Variants in CGGBP1 observed in about 807,000 individuals in gnomAD.
The protein encoded by CGGBP1 is CGG triplet repeat-binding protein 1.
Under a neutral mutation model 11.4 loss-of-function variants are expected in CGGBP1, and 4 were observed. The observed-to-expected ratio is 0.35, with a 90% CI of 0.17 to 0.80. The LOEUF is 0.80. CGGBP1 is among the 30% of genes least tolerant of loss of function. CGGBP1 has a pLI of 0.52. For synonymous variants in CGGBP1, 76 were observed against 74.1 expected, an observed-to-expected ratio of 1.03 and a Z score of -0.13; for missense variants, 135 against 202.1, an observed-to-expected ratio of 0.67 and a Z score of 2.01.
chr3:88,078,702 G>C (rs1397831021), intron 2 of CGGBP1, among the ~76,000 whole-genome samples: 2 of 152,012 alleles, frequency 1.3e-5, no homozygotes, highest in African/African-American at 4.8e-5. Context: ...ATGGATTACT[G>C]GTAATGGATA....
At chr3:88,070,097 G>A (rs1707421930) in intron 2 of CGGBP1, among the ~76,000 whole-genome samples, 1 of 152,128 alleles carries the variant, frequency 6.6e-6, no homozygotes, top group African/African-American at 2.4e-5. Context: ...GCTGATGGGA[G>A]TACAGATCAC....
chr3:88,140,226 G>A (rs1372107816), intron 2 of CGGBP1: 3 of 1,613,810 alleles, frequency 1.9e-6, no homozygotes, highest in South Asian at 1.1e-5. Flanking sequence ...AGAATGCCAT[G>A]AGCTTTTTGA....
chr3:88,147,664 A>C (rs1222034854), intron 1 of CGGBP1, among the ~76,000 whole-genome samples: 2 of 152,252 alleles, frequency 1.3e-5, no homozygotes, highest in Non-Finnish European at 2.9e-5. Flanking sequence ...CAAGAAGCTC[A>C]AGAACCACAT....
At chr3:88,095,661 CT>C (rs1559706531) in intron 2 of CGGBP1, 2 of 475,412 alleles carry the variant, frequency 4.2e-6, no homozygotes, top group Admixed American at 2.3e-5. Flanking sequence ...ACTCTGTTCT[CT>C]TTTTTGGACT....
intron 2 of CGGBP1, among the ~76,000 whole-genome samples, chr3:88,088,757 T>TGG (rs1553694194): frequency 0.11 from 10,460 of 94,042 alleles, 411 homozygotes; most frequent in South Asian, 0.17. Context: ...TGTATGTATG[T>TGG]ATGTATGGAT....
upstream of CGGBP1, among the ~76,000 whole-genome samples, chr3:88,060,842 G>A (rs1422744202): frequency 2.0e-5 from 3 of 151,788 alleles, no homozygotes; most frequent in East Asian, 1.9e-4. Flanking sequence ...TCCCTTACAA[G>A]CATTGAAAGA....
At chr3:88,056,131 C>A in intron 3 of CGGBP1, 132 bp from the exon 4 acceptor site, 1 of 645,332 alleles carries the variant, frequency 1.5e-6, no homozygotes. Context: ...GACTGTGTGT[C>A]TATTAATCTT....
chr3:88,067,832 G>GAT (rs1452206117), intron 2 of CGGBP1, among the ~76,000 whole-genome samples: 1 of 151,868 alleles, frequency 6.6e-6, no homozygotes, highest in Non-Finnish European at 1.5e-5. Flanking sequence ...GAGAAGGAAA[G>GAT]ATATGGTGGT....
In CGGBP1 at chr3:88,052,475, G is replaced by A. The variant is rs1456071399; in HGVS notation, c.*2998C>T. On this transcript the variant is annotated 3_prime_UTR_variant, in exon 4 of 4. Transcript: ENST00000482016. ...GAACTGTTTGTGGCTTTTGTTTTGG[G>A]CCATCTTAAGTTTTGTGTTTTCCAT... 1 of 152,430 alleles carries A rather than the reference G, an allele frequency of 6.6e-6. No individual in the cohort carries two copies. Among genetic ancestry groups the A allele is most frequent in the Non-Finnish European group, 1.5e-5 (1 of 67,988 alleles). 9.4% of individuals were successfully genotyped at this position (152,430 alleles called of 1,614,324 possible).
At chr3:88,072,547 G>A (rs895545374) in intron 2 of CGGBP1, among the ~76,000 whole-genome samples, 3 of 152,104 alleles carry the variant, frequency 2.0e-5, no homozygotes, top group African/African-American at 7.2e-5. Flanking sequence ...CCAGAAACAT[G>A]TTTCATTTGG....
At chr3:88,059,671 G>GGCGGGGA (rs1349075485), upstream of CGGBP1, among the ~76,000 whole-genome samples, 1 of 151,750 alleles carries the variant, frequency 6.6e-6, no homozygotes. Flanking sequence ...TGGGGTGGGG[G>GGCGGGGA]GCGGGGAGCA....
chr3:88,126,412 T>C (rs373961138), intron 2 of CGGBP1: 4 of 1,009,466 alleles, frequency 4.0e-6, no homozygotes, highest in Middle Eastern at 3.6e-4. Context: ...GAAAAGTGTT[T>C]GTTTTTCTAA....
At position 88,053,380 on chromosome 3, in the gene CGGBP1, C is replaced by A. The variant is rs1559676954; in HGVS notation, c.*2093G>T. ...TATAATCCTAACAGAATGGACTATG[C>A]CCCTAGTTACAGTGAATGTGGGAAT... On this transcript the variant is annotated 3_prime_UTR_variant, in exon 4 of 4. Coordinates refer to ENST00000482016, the MANE Select transcript of CGGBP1 (RefSeq NM_001008390.2). The A allele has an allele frequency of 6.6e-6, 1 of 152,004 alleles. No individual in the cohort carries two copies. The highest frequency in any genetic ancestry group is 2.4e-5 in the African/African-American group (1 of 41,398). The allele number at this position is 152,004 out of a possible 1,614,324, so 9.4% of individuals were successfully genotyped here. A position where few individuals can be genotyped will look rare whatever the true frequency, so the allele number is the denominator to read the frequency against.
At chr3:88,130,724 C>T (rs1706408392) in intron 2 of CGGBP1, among the ~76,000 whole-genome samples, 1 of 150,254 alleles carries the variant, frequency 6.7e-6, no homozygotes, top group Non-Finnish European at 1.5e-5. Context: ...TCCCAAAGTG[C>T]TGGGATTATA....
chr3:88,067,886 CT>C (rs76481798), intron 2 of CGGBP1, among the ~76,000 whole-genome samples: 376 of 139,178 alleles, frequency 2.7e-3, no homozygotes, highest in Middle Eastern at 3.8e-3. Flanking sequence ...TCTTTTCTTT[CT>C]TTTTTTTTTT....
rs928790758 is a variant in CGGBP1 at position 88,053,043 on chromosome 3, AGCT to A, written c.*2427_*2429del. On this transcript the variant is annotated 3_prime_UTR_variant, in exon 4 of 4. Coordinates refer to ENST00000482016, the MANE Select transcript of CGGBP1 (RefSeq NM_001008390.2). Reference sequence around the variant, plus strand: ...GCATACAACTTATAAAATAGAAAAAAGCTGCTATTTTTCCAATAGTATAGCATC... The same window carrying A: ...GCATACAACTTATAAAATAGAAAAAAGCTATTTTTCCAATAGTATAGCATC... 3.3e-5 allele frequency: 5 copies of A among 152,626 alleles called. No homozygotes were observed. The highest frequency in any genetic ancestry group is 1.2e-4 in the African/African-American group (5 of 41,460). 9.5% of individuals were successfully genotyped at this position (152,626 alleles called of 1,614,324 possible).
At chr3:88,083,063 C>T (rs1157257835) in intron 2 of CGGBP1, among the ~76,000 whole-genome samples, 1 of 151,912 alleles carries the variant, frequency 6.6e-6, no homozygotes, top group Non-Finnish European at 1.5e-5. Context: ...CTCTTCCTCC[C>T]TCTTCTTCCT....
rs1461073570 is a variant in CGGBP1 at position 88,051,955 on chromosome 3, T to C, written c.*3518A>G. ...ATAACTCAGTAAGATTCTGCTGTTT[T>C]GTAATCAGGAAATATATTTGTCATT... On this transcript the variant is annotated 3_prime_UTR_variant, in exon 4 of 4. Coordinates refer to ENST00000482016, the MANE Select transcript of CGGBP1 (RefSeq NM_001008390.2). The C allele has an allele frequency of 2.6e-5, 4 of 152,368 alleles. No individual in the cohort carries two copies. Among genetic ancestry groups the C allele is most frequent in the Non-Finnish European group, 4.4e-5 (3 of 68,030 alleles). The allele number at this position is 152,368 out of a possible 1,614,324, so 9.4% of individuals were successfully genotyped here. A position where few individuals can be genotyped will look rare whatever the true frequency, so the allele number is the denominator to read the frequency against.
chr3:88,129,150 G>T, intron 2 of CGGBP1: 1 of 611,282 alleles, frequency 1.6e-6, no homozygotes, highest in Non-Finnish European at 2.7e-6. Context: ...ATCTGGATGT[G>T]TTTTCTTTTG....
Sources: allele counts gnomAD v4.1 joint callset (sites outside exome capture counted in the v4.1 genomes callset), GRCh38; gene constraint gnomAD v4.1.1; transcripts MANE v1.5; gene names NCBI Gene and HGNC (gene_info 2026-07-23, HGNC 2026-07-21).